The following BARD1 variants were observed in gnomAD, a reference collection of about 807,000 sequenced individuals.
BARD1 encodes the protein BRCA1 associated RING domain 1.
In BARD1, 73 loss-of-function variants were observed where a neutral mutation model predicts 77.0. That is an observed-to-expected ratio of 0.95 (90% CI 0.79 to 1.15). The LOEUF is 1.15. Ranked by LOEUF, BARD1 falls within the 50% of genes most tolerant of loss-of-function variation. The pLI, the probability that BARD1 is intolerant of heterozygous loss-of-function variation, is 0.00. For synonymous variants in BARD1, 384 were observed against 338.0 expected (o/e 1.14, Z -1.49); for missense variants, 993 against 938.8 (o/e 1.06, Z -0.75).
At chr2:214,740,213 C>A (rs1692757059) in intron 9 of BARD1, among the ~76,000 whole-genome samples, 1 of 151,952 alleles carries the variant, frequency 6.6e-6, no homozygotes, top group Non-Finnish European at 1.5e-5. Context: ...AGGACAATCA[C>A]CATATTCAAA....
intron 3 of BARD1, among the ~76,000 whole-genome samples, chr2:214,791,435 T>C (rs191131819): frequency 2.3e-4 from 35 of 152,332 alleles, no homozygotes; most frequent in Non-Finnish European, 4.3e-4. Flanking sequence ...ATCCTGCCAG[T>C]CAAGAACACG....
chr2:214,739,898 A>G (rs1692737742), intron 9 of BARD1, among the ~76,000 whole-genome samples: 1 of 152,082 alleles, frequency 6.6e-6, no homozygotes. Context: ...TACTTAATGC[A>G]TTGAGAAGCA....
chr2:214,765,510 G>A (rs1694154377), intron 6 of BARD1, among the ~76,000 whole-genome samples: 1 of 152,174 alleles, frequency 6.6e-6, no homozygotes, highest in African/African-American at 2.4e-5. Flanking sequence ...AAGCTATACA[G>A]TCAGTAATGG....
chr2:214,809,625 G>T lies in BARD1; in HGVS notation c.-56C>A, dbSNP rs1040333732. 1.3e-6 allele frequency: 2 copies of T among 1,520,040 alleles called. No individual in the cohort carries two copies. The highest frequency in any genetic ancestry group is 2.8e-5 in the African/African-American group (2 of 72,694). The allele number at this position is 1,520,040 out of a possible 1,614,324, so 94.2% of individuals were successfully genotyped here. ...AGAGCGGGAAGCAAGGAAGCCTCGG[G>T]AAACCACAGGGAAGCTGCAGGCCAG... is the stretch of plus-strand genomic sequence containing the variant. On this transcript the variant is annotated 5_prime_UTR_variant, in exon 1 of 11. Coordinates refer to ENST00000260947, the MANE Select transcript of BARD1 (RefSeq NM_000465.4).
In BARD1 at chr2:214,773,143, C is replaced by T. The variant is rs1305275901; in HGVS notation, c.1315-3831G>A. On this transcript the variant is annotated intron_variant, in intron 4 of 10. Transcript: ENST00000260947. ...TCACACATTTGTACATACTGCAGAT[C>T]CACACATATTCCAACAATATAAATT... Among the ~76,000 whole-genome samples, 3 of 152,244 alleles carry T rather than the reference C, an allele frequency of 2.0e-5. No homozygotes were observed. In the East Asian group the frequency reaches 5.8e-4, roughly 29 times the overall value.
intron 3 of BARD1, among the ~76,000 whole-genome samples, chr2:214,783,566 G>T (rs1559428477): frequency 6.6e-6 from 1 of 152,226 alleles, no homozygotes; most frequent in Admixed American, 6.5e-5. Context: ...CTGTCAGGGG[G>T]TTGGGGGCAA....
Position 214,736,436 on chromosome 2 carries a change from T to C in BARD1, c.1904-5928A>G, listed in dbSNP as rs368161706. On this transcript the variant is annotated intron_variant, in intron 9 of 10. Coordinates refer to ENST00000260947, the MANE Select transcript of BARD1 (RefSeq NM_000465.4). Reference sequence around the variant, plus strand: ...CCTTCCCAATGGTACTTACAGAGTATTCATAATTGTATCTTTAACTGCATA... The same window carrying C: ...CCTTCCCAATGGTACTTACAGAGTACTCATAATTGTATCTTTAACTGCATA... 2.4e-4 allele frequency among the ~76,000 whole-genome samples: 36 copies of C among 152,208 alleles called. 1 individual carries two copies. In the East Asian group the frequency reaches 6.7e-3, roughly 29 times the overall value.
rs730881420 is a variant in BARD1, at chr2:214,745,847, G to C, written c.1685C>G (p.Thr562Ser). Residue 562 changes from threonine (T) to serine (S), a missense_variant, in exon 8 of 11, where the codon ACT (threonine) becomes AGT (serine). Physicochemically the swap from Thr to Ser is moderately conservative, Grantham distance 58. Coordinates refer to ENST00000260947, the MANE Select transcript of BARD1 (RefSeq NM_000465.4). Reference sequence around the variant, plus strand: ...AAGAGGTCCATCCCTACGCTGCCCAGTGTTCATCTGTTAATATAAAAGGAG... The same window carrying C: ...AAGAGGTCCATCCCTACGCTGCCCACTGTTCATCTGTTAATATAAAAGGAG... The part of the protein sequence containing the change: ...SSASHCSVMN[T>S]GQRRDGPLVL... The C allele has an allele frequency of 6.2e-7, 1 of 1,613,972 alleles. No homozygotes were observed. Among genetic ancestry groups the C allele is most frequent in the East Asian group, 2.2e-5 (1 of 44,852 alleles).
chr2:214,758,035 T>C (rs1012050249), intron 6 of BARD1, among the ~76,000 whole-genome samples: 6 of 152,220 alleles, frequency 3.9e-5, no homozygotes, highest in East Asian at 1.9e-4. Flanking sequence ...GGTCAGATTA[T>C]ATAAGAACAA....
rs770917842 is a variant in BARD1 at position 214,728,983 on chromosome 2, T to C, written c.2027A>G (p.Tyr676Cys). The change falls in exon 11 of 11, where the codon TAC becomes TGC. Residue 676 changes from tyrosine (Y) to cysteine (C), a missense_variant. Transcript: ENST00000260947. ...TTTGAAGGTTCCCCACAAATAGAAG[T>C]AGCATCCATCAAACAGCTTTGGCAA... is the stretch of plus-strand genomic sequence containing the variant. ...QLLPKLFDGC[Y>C]FYLWGTFKHH... is the part of the protein sequence containing the mutation. 4 of 1,614,080 alleles carry C rather than the reference T, an allele frequency of 2.5e-6. No homozygotes were observed. Among genetic ancestry groups the C allele is most frequent in the Middle Eastern group, 3.3e-4 (2 of 6,048 alleles).
chr2:214,809,405 T>A lies in BARD1; in HGVS notation c.158+7A>T. On this transcript the variant is annotated splice_region_variant and intron_variant, in intron 1 of 10. Transcript: ENST00000260947. ...TCGCAGCCACCCCCAAGAAGCTCCGTCTTTACCAACGCGAGCAGCGCAGCA... is the reference window on the plus strand; with the variant it reads ...TCGCAGCCACCCCCAAGAAGCTCCGACTTTACCAACGCGAGCAGCGCAGCA... 1 of 1,612,292 alleles carries A rather than the reference T, an allele frequency of 6.2e-7. No homozygotes were observed. The highest frequency in any genetic ancestry group is 8.5e-7 in the Non-Finnish European group (1 of 1,179,782).
At chr2:214,747,278 C>T (rs1423413604) in intron 7 of BARD1, among the ~76,000 whole-genome samples, 2 of 151,520 alleles carry the variant, frequency 1.3e-5, no homozygotes, top group Admixed American at 1.3e-4. Flanking sequence ...CTAGTTCAAC[C>T]TTTGTGGAAG....
In BARD1 at chr2:214,728,605, A is replaced by T; in HGVS notation, c.*71T>A. 1 of 1,447,764 alleles carries T rather than the reference A, an allele frequency of 6.9e-7. No individual in the cohort carries two copies. Among genetic ancestry groups the T allele is most frequent in the Non-Finnish European group, 9.6e-7 (1 of 1,044,730 alleles). 89.7% of individuals were successfully genotyped at this position (1,447,764 alleles called of 1,614,324 possible). A position where few individuals can be genotyped will look rare whatever the true frequency, so the allele number is the denominator to read the frequency against. Reference sequence around the variant, plus strand: ...ACCTATTTGTAAAAATGTGAACATTAAAAACAGTACAATGACTGGGCTCTC... The same window carrying T: ...ACCTATTTGTAAAAATGTGAACATTTAAAACAGTACAATGACTGGGCTCTC... On this transcript the variant is annotated 3_prime_UTR_variant, in exon 11 of 11. Coordinates refer to ENST00000260947, the MANE Select transcript of BARD1 (RefSeq NM_000465.4).
intron 6 of BARD1, among the ~76,000 whole-genome samples, chr2:214,756,070 T>C (rs561226070): frequency 6.0e-4 from 91 of 152,310 alleles, no homozygotes; most frequent in African/African-American, 2.2e-3. Flanking sequence ...TTACCTATAC[T>C]GATAAGGTTT....
intron 6 of BARD1, among the ~76,000 whole-genome samples, chr2:214,754,160 G>T (rs1044283534): frequency 1.3e-5 from 2 of 151,662 alleles, no homozygotes; most frequent in Non-Finnish European, 2.9e-5. Context: ...TCAAAAAATA[G>T]AAATCTGAGT....
intron 3 of BARD1, among the ~76,000 whole-genome samples, chr2:214,786,983 A>G (rs1695303593): frequency 6.6e-6 from 1 of 151,958 alleles, no homozygotes; most frequent in Admixed American, 6.6e-5. Context: ...TCAAAATGAA[A>G]TGTTACCAGG....
In BARD1 at chr2:214,726,904, C is replaced by G. The variant is rs1692107904; in HGVS notation, c.*1772G>C. ...GAGACCTCATAGGTGTCTTTACAAT[C>G]AGGAATTCAGATGCAAGGAACAGAC... On this transcript the variant is annotated 3_prime_UTR_variant, in exon 11 of 11. Coordinates refer to ENST00000260947, the MANE Select transcript of BARD1 (RefSeq NM_000465.4). 1 of 228,898 alleles carries G rather than the reference C, an allele frequency of 4.4e-6. No homozygotes were observed. The highest frequency in any genetic ancestry group is 2.2e-5 in the African/African-American group (1 of 45,150). 14.2% of individuals were successfully genotyped at this position (228,898 alleles called of 1,614,324 possible).
At chr2:214,738,459 G>GA (rs1692663040) in intron 9 of BARD1, among the ~76,000 whole-genome samples, 1 of 152,006 alleles carries the variant, frequency 6.6e-6, no homozygotes, top group Non-Finnish European at 1.5e-5. Context: ...TTTCTATAAA[G>GA]AAACTTGTAC....
rs997142392 is a variant in BARD1 at position 214,726,615 on chromosome 2, T to C, written c.*2061A>G. 4.3e-6 allele frequency: 1 copy of C among 229,892 alleles called. No homozygotes were observed. The highest frequency in any genetic ancestry group is 2.2e-5 in the African/African-American group (1 of 45,192). The allele number at this position is 229,892 out of a possible 1,614,324, so 14.2% of individuals were successfully genotyped here. A position where few individuals can be genotyped will look rare whatever the true frequency, so the allele number is the denominator to read the frequency against. ...AACAGCACAGAATAAGCCAATTTTA[T>C]ACAAGACACAGGTATATGGAAACAC... On this transcript the variant is annotated 3_prime_UTR_variant, in exon 11 of 11. Coordinates refer to ENST00000260947, the MANE Select transcript of BARD1 (RefSeq NM_000465.4).
Sources: gnomAD v4.1 joint callset for allele counts (sites outside exome capture counted in the v4.1 genomes callset) on GRCh38, gnomAD v4.1.1 for gene constraint, MANE v1.5 for transcripts, NCBI Gene and HGNC (gene_info 2026-07-23, HGNC 2026-07-21) for gene names.